The following FGF14 variants were observed in gnomAD, a reference collection of about 807,000 sequenced individuals.
The protein encoded by FGF14 is fibroblast growth factor 14.
A neutral mutation model predicts 25.5 loss-of-function variants in FGF14; 5 were observed. The observed-to-expected ratio is 0.20, with a 90% CI of 0.10 to 0.41. The LOEUF (loss-of-function observed/expected upper bound fraction) is 0.41. FGF14 is among the 10% of genes least tolerant of loss of function. FGF14 has a pLI of 1.00. For synonymous variants in FGF14, 138 were observed against 118.3 expected (o/e 1.17, Z -1.08); for missense variants, 222 against 320.1 (o/e 0.69, Z 2.34).
chr13:102,373,874 A>C (rs2057958341), intron 1 of FGF14, among the ~76,000 whole-genome samples: 1 of 151,788 alleles, frequency 6.6e-6, no homozygotes, highest in African/African-American at 2.4e-5. Flanking sequence ...GGGGTTCTAA[A>C]AAAATATCAA....
intron 1 of FGF14, among the ~76,000 whole-genome samples, chr13:102,283,035 C>G (rs2053923034): frequency 6.6e-6 from 1 of 152,130 alleles, no homozygotes; most frequent in Non-Finnish European, 1.5e-5. Context: ...CAGCCCAAAG[C>G]TTGTATGGTG....
chr13:101,950,933 A>T (rs965477328), intron 1 of FGF14, among the ~76,000 whole-genome samples: 4 of 152,172 alleles, frequency 2.6e-5, no homozygotes, highest in African/African-American at 9.6e-5. Flanking sequence ...AAAGTGTTGG[A>T]AAGTGCTCCA....
At chr13:102,130,239 T>C (rs114322506) in intron 1 of FGF14, among the ~76,000 whole-genome samples, 2,067 of 152,148 alleles carry the variant, frequency 0.014, 46 homozygotes, top group African/African-American at 0.048. Flanking sequence ...AAAGTGGAGG[T>C]AAATGAGTCC....
At chr13:102,047,830 A>T (rs567870923) in intron 1 of FGF14, among the ~76,000 whole-genome samples, 6 of 152,054 alleles carry the variant, frequency 3.9e-5, no homozygotes, top group Non-Finnish European at 4.4e-5. Context: ...AAAGTATAAT[A>T]AAAAAAATCA....
chr13:101,831,283 C>T (rs919330015), intron 3 of FGF14, among the ~76,000 whole-genome samples: 1 of 147,290 alleles, frequency 6.8e-6, no homozygotes, highest in African/African-American at 2.5e-5. Flanking sequence ...TATTTATTTA[C>T]GTTGGCCAGG....
chr13:102,227,576 C>A (rs999467894), intron 1 of FGF14, among the ~76,000 whole-genome samples: 1 of 152,050 alleles, frequency 6.6e-6, no homozygotes, highest in Non-Finnish European at 1.5e-5. Context: ...ATGTGTACAC[C>A]ATGAATATTA....
At chr13:101,888,082 G>A (rs1362602632) in intron 1 of FGF14, among the ~76,000 whole-genome samples, 6 of 152,160 alleles carry the variant, frequency 3.9e-5, no homozygotes, top group African/African-American at 1.4e-4. Context: ...GAAGACAGAT[G>A]GGTTTGGAGG....
intron 1 of FGF14, among the ~76,000 whole-genome samples, chr13:102,178,398 T>A (rs1253411657): frequency 1.3e-5 from 2 of 152,178 alleles, no homozygotes; most frequent in Non-Finnish European, 2.9e-5. Flanking sequence ...AATTATTTTA[T>A]TTTTTATTTG....
intron 1 of FGF14, among the ~76,000 whole-genome samples, chr13:102,055,497 C>A (rs2140076753): frequency 6.6e-6 from 1 of 152,324 alleles, no homozygotes; most frequent in East Asian, 1.9e-4. Flanking sequence ...CATTCAAAGG[C>A]TTGTTATCCT....
chr13:102,154,136 C>T (rs1219649466), intron 1 of FGF14, among the ~76,000 whole-genome samples: 3 of 151,992 alleles, frequency 2.0e-5, no homozygotes, highest in Admixed American at 6.6e-5. Context: ...GCAAGGCAGG[C>T]CAACATTCAA....
chr13:101,959,852 G>T (rs2036735643), intron 1 of FGF14, among the ~76,000 whole-genome samples: 1 of 152,150 alleles, frequency 6.6e-6, no homozygotes, highest in African/African-American at 2.4e-5. Flanking sequence ...TGTGGTGATT[G>T]CCTGGTCTCT....
rs2041782155 is a variant in FGF14, at chr13:102,042,336, T to G, written c.209-167040A>C. The stretch of plus-strand genomic sequence containing the variant: ...TTATCAATAAATTAGTACAATCTAC[T>G]CAGCTGTTTCTCACTTCTGAGACAC... On this transcript the variant is annotated intron_variant, in intron 1 of 4. Transcript: ENST00000376131. 3.3e-5 allele frequency among the ~76,000 whole-genome samples: 5 copies of G among 152,228 alleles called. 1 individual carries two copies. The South Asian group carries it at 1.0e-3, about 31-fold the overall frequency.
At chr13:102,388,607 C>T (rs935417182) in intron 1 of FGF14, among the ~76,000 whole-genome samples, 7 of 152,206 alleles carry the variant, frequency 4.6e-5, no homozygotes, top group African/African-American at 1.7e-4. Flanking sequence ...CGATTCATCC[C>T]TTCCTAATTA....
chr13:101,834,581 A>G (rs757584794), intron 3 of FGF14, among the ~76,000 whole-genome samples: 2 of 152,110 alleles, frequency 1.3e-5, no homozygotes, highest in Non-Finnish European at 2.9e-5. Flanking sequence ...ATTCTAAAAC[A>G]GGATTTCAAA....
intron 1 of FGF14, among the ~76,000 whole-genome samples, chr13:101,922,348 C>G (rs2034062119): frequency 6.6e-6 from 1 of 152,108 alleles, no homozygotes; most frequent in Admixed American, 6.5e-5. Context: ...CTGGGCTCAA[C>G]CAAACATGAC....
chr13:102,273,371 T>C (rs2053349260), intron 1 of FGF14, among the ~76,000 whole-genome samples: 1 of 152,194 alleles, frequency 6.6e-6, no homozygotes, highest in Admixed American at 6.6e-5. Flanking sequence ...GTGCATAGCC[T>C]TCACCAAAAG....
rs1380474132 is a variant in FGF14 at position 101,941,207 on chromosome 13, C to A, written c.209-65911G>T. Among the ~76,000 whole-genome samples the A allele has an allele frequency of 2.0e-5, 3 of 152,194 alleles. No individual in the cohort carries two copies. The East Asian group carries it at 5.8e-4, about 29-fold the overall frequency. On this transcript the variant is annotated intron_variant, in intron 1 of 4. Coordinates refer to the FGF14 transcript ENST00000376131. ...ACAGTGAGCAGAGATGGAGTCAACACCTTTTCACAAAATTTAACAATCATC... is the reference window on the plus strand; with the variant it reads ...ACAGTGAGCAGAGATGGAGTCAACAACTTTTCACAAAATTTAACAATCATC...
intron 1 of FGF14, among the ~76,000 whole-genome samples, chr13:102,263,782 T>A (rs1594633507): frequency 6.6e-6 from 1 of 152,160 alleles, no homozygotes; most frequent in Non-Finnish European, 1.5e-5. Context: ...AAAATCAGAA[T>A]AAACACTCTT....
chr13:102,229,288 G>A (rs1400635502), intron 1 of FGF14, among the ~76,000 whole-genome samples: 1 of 152,152 alleles, frequency 6.6e-6, no homozygotes, highest in African/African-American at 2.4e-5. Context: ...AATAACTAAT[G>A]TTTACTTAGT....
Sources: allele counts gnomAD v4.1 joint callset (sites outside exome capture counted in the v4.1 genomes callset), GRCh38; gene constraint gnomAD v4.1.1; transcripts MANE v1.5; gene names NCBI Gene and HGNC (gene_info 2026-07-23, HGNC 2026-07-21).